The following TNRC6C variants were observed in gnomAD, a reference collection of about 807,000 sequenced individuals.
TNRC6C encodes the protein trinucleotide repeat-containing gene 6C protein.
In TNRC6C, 20 loss-of-function variants were observed where a neutral mutation model predicts 153.7. That is an observed-to-expected ratio of 0.13 (90% CI 0.09 to 0.19). TNRC6C has a LOEUF of 0.19. Ranked by LOEUF, TNRC6C falls within the 10% of genes least tolerant of loss-of-function variation. The pLI, the probability that TNRC6C is intolerant of heterozygous loss-of-function variation, is 1.00. For synonymous variants in TNRC6C, 811 were observed against 841.4 expected (o/e 0.96, Z 0.63); for missense variants, 1,987 against 2,172.0 (o/e 0.91, Z 1.69).
rs1439837344 is a variant in TNRC6C, at chr17:77,990,378, A to G, written c.-37-13792A>G. On this transcript the variant is annotated intron_variant, in intron 1 of 22. Transcript: ENST00000636222. ...TCATTGGCTTCTCATTGCTCTGAAG[A>G]TAAAGACAAAAAAATTTAACCTAAG... Among the ~76,000 whole-genome samples, 6 of 152,222 alleles carry G rather than the reference A, an allele frequency of 3.9e-5. 1 individual carries two copies. The South Asian group carries it at 1.2e-3, about 31-fold the overall frequency.
At position 78,070,951 on chromosome 17, in the gene TNRC6C, A is replaced by G. The variant is rs565140729; in HGVS notation, c.2779-134A>G. The G allele has an allele frequency of 4.9e-6, 4 of 820,398 alleles. No homozygotes were observed. The East Asian group carries it at 1.1e-4, about 22-fold the overall frequency. The allele number at this position is 820,398 out of a possible 1,614,324, so 50.8% of individuals were successfully genotyped here. A position where few individuals can be genotyped will look rare whatever the true frequency, so the allele number is the denominator to read the frequency against. On this transcript the variant is annotated intron_variant, in intron 5 of 19. Transcript: ENST00000301624. ...TACTGTTAGGGAGTTTCTGGAATACAGCATTATTCAATGTTAATACAAAAA... is the reference window on the plus strand; with the variant it reads ...TACTGTTAGGGAGTTTCTGGAATACGGCATTATTCAATGTTAATACAAAAA...
intron 9 of TNRC6C, among the ~76,000 whole-genome samples, chr17:78,078,278 G>C (rs367657489): frequency 6.6e-6 from 1 of 152,186 alleles, no homozygotes; most frequent in South Asian, 2.1e-4. Context: ...TTTGCAGAAG[G>C]GGTTCTCTCC....
intron 1 of TNRC6C, among the ~76,000 whole-genome samples, chr17:77,991,697 C>T (rs2071252874): frequency 6.6e-6 from 1 of 152,208 alleles, no homozygotes; most frequent in Admixed American, 6.5e-5. Flanking sequence ...TTCGCTTTTA[C>T]TCTAACTGAT....
chr17:77,965,324 AACTG>A (rs1198457656), intron 1 of TNRC6C, among the ~76,000 whole-genome samples: 1 of 152,208 alleles, frequency 6.6e-6, no homozygotes, highest in Non-Finnish European at 1.5e-5. Context: ...TGCCAATATT[AACTG>A]ACTGCCTTCT....
At chr17:78,077,160 G>A (rs2073099668) in intron 8 of TNRC6C, 25 bp from the exon 11 acceptor site, 4 of 1,592,632 alleles carry the variant, frequency 2.5e-6, no homozygotes, top group Non-Finnish European at 3.4e-6. Flanking sequence ...ACTGCACACA[G>A]CTCACCCTTT....
chr17:78,000,502 A>G (rs1316646078), upstream of TNRC6C, among the ~76,000 whole-genome samples: 1 of 151,972 alleles, frequency 6.6e-6, no homozygotes, highest in Non-Finnish European at 1.5e-5. Context: ...ATTTTGTCTG[A>G]TAACATTTTA....
At chr17:78,001,932 G>A (rs904658417), upstream of TNRC6C, among the ~76,000 whole-genome samples, 9 of 152,182 alleles carry the variant, frequency 5.9e-5, no homozygotes, top group East Asian at 1.9e-4. Context: ...ATATTTAAAC[G>A]TAATTTTAAA....
chr17:78,005,654 T>C (rs1277848542), intron 1 of TNRC6C, among the ~76,000 whole-genome samples: 1 of 152,174 alleles, frequency 6.6e-6, no homozygotes, highest in Non-Finnish European at 1.5e-5. Context: ...TCCAAGCCTC[T>C]TCCTTTTATA....
rs1342839512 is a variant in TNRC6C at position 78,104,407 on chromosome 17, A to C, written c.4713-78A>C. ...ATGGCTTCCATGTGGGGCCGTTCCC[A>C]ATACAGAGAAAGCCAGTGCCACGAA... On this transcript the variant is annotated intron_variant, in intron 19 of 19. Coordinates refer to ENST00000301624, the Ensembl canonical transcript of TNRC6C. The surrounding 1 kb of genome is among the most constrained non-coding windows in gnomAD (Gnocchi z 6.2). 4 of 1,417,350 alleles carry C rather than the reference A, an allele frequency of 2.8e-6. No homozygotes were observed. Among genetic ancestry groups the C allele is most frequent in the Non-Finnish European group, 3.7e-6 (4 of 1,084,252 alleles). The allele number at this position is 1,417,350 out of a possible 1,614,324, so 87.8% of individuals were successfully genotyped here.
intron 2 of TNRC6C, among the ~76,000 whole-genome samples, chr17:78,033,910 C>G (rs1192023957): frequency 6.6e-6 from 1 of 152,156 alleles, no homozygotes; most frequent in African/African-American, 2.4e-5. Context: ...AACTCACCAC[C>G]CTTCACTGAC....
intron 3 of TNRC6C, among the ~76,000 whole-genome samples, chr17:78,061,668 G>T (rs189417211): frequency 6.6e-6 from 1 of 152,228 alleles, no homozygotes; most frequent in African/African-American, 2.4e-5. Context: ...CCCAGGCAAC[G>T]TAACAAGACC....
At chr17:78,066,741 C>G (rs2072887600) in intron 4 of TNRC6C, 1 of 152,194 alleles carries the variant, frequency 6.6e-6, no homozygotes, top group Non-Finnish European at 1.5e-5. Flanking sequence ...CTTTGTAGCT[C>G]CATCTGCCTA....
chr17:78,080,433 C>T (rs1363740612), intron 10 of TNRC6C, among the ~76,000 whole-genome samples: 3 of 151,604 alleles, frequency 2.0e-5, no homozygotes, highest in Non-Finnish European at 2.9e-5. Context: ...GCAACAAGAG[C>T]GGAAACTCCT....
chr17:78,108,251 GC>G lies in TNRC6C; in HGVS notation c.*3415del, dbSNP rs61198270. On this transcript the variant is annotated 3_prime_UTR_variant, in exon 20 of 20. Transcript: ENST00000301624. ...GGACCCGCACCCCCGCCACAGGCTG[GC>G]CCCCCCCCACCCATGGGGAAGGTGG... 1,499 of 153,268 alleles carry G rather than the reference GC, an allele frequency of 9.8e-3. 26 individuals carry two copies. The highest frequency in any genetic ancestry group is 0.032 in the African/African-American group (1,340 of 41,276). The allele number at this position is 153,268 out of a possible 1,614,324, so 9.5% of individuals were successfully genotyped here.
At chr17:78,060,911 G>A (rs1028693241) in intron 3 of TNRC6C, among the ~76,000 whole-genome samples, 1 of 152,192 alleles carries the variant, frequency 6.6e-6, no homozygotes, top group Admixed American at 6.5e-5. Context: ...GCTTAACAAT[G>A]TTCAGTGAGA....
intron 1 of TNRC6C, among the ~76,000 whole-genome samples, chr17:77,972,376 A>G (rs771430335): frequency 2.6e-5 from 4 of 152,018 alleles, no homozygotes; most frequent in Non-Finnish European, 4.4e-5. Flanking sequence ...GCTGGGCATG[A>G]TGGCAGGTAC....
rs1057313363 is a variant in TNRC6C, at chr17:78,049,644, C to T, written c.582C>T (p.Pro194=). Residue 194 remains proline (P), a synonymous_variant, in exon 3 of 20, where the codon CCC becomes CCT. Transcript: ENST00000301624. The surrounding 1 kb of genome is among the most constrained non-coding windows in gnomAD (Gnocchi z 4.1). The stretch of plus-strand genomic sequence containing the variant: ...ACACTAACCCCATGAACTCTTCACC[C>T]AACCCTATCAATGCAATGCAGACAA... 6.2e-7 allele frequency: 1 copy of T among 1,613,856 alleles called. No individual in the cohort carries two copies. Among genetic ancestry groups the T allele is most frequent in the Admixed American group, 1.7e-5 (1 of 60,000 alleles).
chr17:77,968,356 G>T (rs1810397795), intron 1 of TNRC6C, among the ~76,000 whole-genome samples: 1 of 149,922 alleles, frequency 6.7e-6, no homozygotes, highest in Admixed American at 6.7e-5. Flanking sequence ...TGTTGTTGTT[G>T]TTTGAGACGT....
intron 1 of TNRC6C, among the ~76,000 whole-genome samples, chr17:78,009,040 G>A (rs1471869383): frequency 2.6e-5 from 4 of 152,144 alleles, no homozygotes; most frequent in Non-Finnish European, 2.9e-5. Flanking sequence ...TCGTCTTTGC[G>A]TTGGTGACCA....
Sources: allele counts gnomAD v4.1 joint callset (sites outside exome capture counted in the v4.1 genomes callset), GRCh38; gene constraint gnomAD v4.1.1; non-coding constraint Gnocchi (gnomAD v3.1); transcripts MANE v1.5; gene names NCBI Gene and HGNC (gene_info 2026-07-23, HGNC 2026-07-21).